The following CACNA1A variants were observed in gnomAD, a reference collection of about 807,000 sequenced individuals.
The protein encoded by CACNA1A is voltage-dependent P/Q-type calcium channel subunit alpha-1A.
CACNA1A carries 57 observed loss-of-function variants against 262.4 expected under a neutral mutation model. The ratio of observed to expected loss-of-function variants is 0.22; its 90% CI spans 0.18 to 0.27. The LOEUF is 0.27. Among genes scored for constraint, CACNA1A ranks in the 10% least tolerant of loss-of-function variants. The probability of loss-of-function intolerance (pLI) is 1.00; values close to 1 mark genes in which losing one functional copy is unlikely to be tolerated. For missense variants in CACNA1A, 2,526 were observed against 3,562.8 expected, an observed-to-expected ratio of 0.71 and a Z score of 7.41; for synonymous variants, 1,431 against 1,419.3, an observed-to-expected ratio of 1.01 and a Z score of -0.18.
At chr19:13,325,154 CCTT>C (rs2058335953) in intron 10 of CACNA1A, among the ~76,000 whole-genome samples, 1 of 141,244 alleles carries the variant, frequency 7.1e-6, no homozygotes, top group Non-Finnish European at 1.5e-5. Context: ...TCTTCTTCTT[CCTT>C]CTTCCTTCTT....
rs766012999 is a variant in CACNA1A at position 13,214,582 on chromosome 19, C to T, written c.5758G>A (p.Ala1920Thr). 5.0e-6 allele frequency: 8 copies of T among 1,613,742 alleles called. No homozygotes were observed. The highest frequency in any genetic ancestry group is 6.8e-6 in the Non-Finnish European group (8 of 1,179,830). ...KGGADKQQMD[A>T]ELRKEMMAIW... ...GCCATCATCTCCTTCCGCAGCTCAG[C>T]GTCCATCTGCTGTTTGTCGGCTCCT... The change falls in exon 39 of 47, where the codon GCT becomes ACT. Residue 1920 changes from alanine to threonine, a missense_variant. This residue lies in a region of CACNA1A where 112 missense variants were observed against 197.2 expected (regional missense o/e 0.57). Coordinates refer to ENST00000360228, the MANE Select transcript of CACNA1A (RefSeq NM_001127222.2). This position sits in a 1 kb window ranked among gnomAD's most constrained non-coding sequence, Gnocchi z 4.1.
rs755362952 is a variant in CACNA1A at position 13,212,616 on chromosome 19, AG to A, written c.6050+14del. 1.1e-5 allele frequency: 17 copies of A among 1,514,210 alleles called. 1 individual carries two copies. The Middle Eastern group carries it at 5.3e-4, about 47-fold the overall frequency. 93.8% of individuals were successfully genotyped at this position (1,514,210 alleles called of 1,614,324 possible). ...CACCCCCACACTCCACCTCCCTGGC[AG>A]GGGTGACACTCACAGGGCTCCTCCT... On this transcript the variant is annotated intron_variant, in intron 41 of 46. Coordinates refer to ENST00000360228, the MANE Select transcript of CACNA1A (RefSeq NM_001127222.2). This position sits in a 1 kb window ranked among gnomAD's most constrained non-coding sequence, Gnocchi z 5.6.
At chr19:13,467,355 C>T (rs188222954) in intron 1 of CACNA1A, among the ~76,000 whole-genome samples, 112 of 152,088 alleles carry the variant, frequency 7.4e-4, no homozygotes, top group Middle Eastern at 3.4e-3. Flanking sequence ...GTGGCTCACA[C>T]CTGTAATCCC....
intron 19 of CACNA1A, among the ~76,000 whole-genome samples, chr19:13,293,021 G>A (rs72993596): frequency 0.09 from 13,650 of 152,164 alleles, 812 homozygotes; most frequent in South Asian, 0.23. Context: ...GAGGCTATGG[G>A]GGTGAAAGTG....
At chr19:13,485,893 G>A (rs1979917006) in intron 1 of CACNA1A, among the ~76,000 whole-genome samples, 1 of 152,142 alleles carries the variant, frequency 6.6e-6, no homozygotes, top group Non-Finnish European at 1.5e-5. Flanking sequence ...CCCTGCAAGC[G>A]AGCAGCAGAA....
At chr19:13,380,733 G>A (rs2059508774) in intron 3 of CACNA1A, among the ~76,000 whole-genome samples, 2 of 70,572 alleles carry the variant, frequency 2.8e-5, no homozygotes, top group Admixed American at 3.7e-4. Flanking sequence ...TCATTTATTG[G>A]TTTGTTTGTT....
intron 3 of CACNA1A, among the ~76,000 whole-genome samples, chr19:13,421,796 G>C (rs2060320693): frequency 6.6e-6 from 1 of 152,118 alleles, no homozygotes; most frequent in East Asian, 1.9e-4. Flanking sequence ...AAGCCACCCA[G>C]TTTAAGGTAT....
At chr19:13,309,387 C>T (rs534565541) in intron 12 of CACNA1A, among the ~76,000 whole-genome samples, 4 of 152,126 alleles carry the variant, frequency 2.6e-5, no homozygotes, top group Admixed American at 6.6e-5. Flanking sequence ...CATGCAACTA[C>T]TACCTATGTC....
At chr19:13,499,577 G>A (rs1456274246) in intron 1 of CACNA1A, among the ~76,000 whole-genome samples, 1 of 151,884 alleles carries the variant, frequency 6.6e-6, no homozygotes, top group Admixed American at 6.6e-5. Flanking sequence ...GTTTTTCTCT[G>A]TGCTGGAGAC....
At chr19:13,461,901 A>C (rs2061130776) in intron 1 of CACNA1A, among the ~76,000 whole-genome samples, 1 of 152,174 alleles carries the variant, frequency 6.6e-6, no homozygotes, top group Non-Finnish European at 1.5e-5. Flanking sequence ...TCAGGATAGC[A>C]GACAGCCCTG....
chr19:13,270,580 G>T (rs1208298403), intron 24 of CACNA1A, among the ~76,000 whole-genome samples: 1 of 152,234 alleles, frequency 6.6e-6, no homozygotes, highest in Non-Finnish European at 1.5e-5. Flanking sequence ...ACGGGGAGAA[G>T]ATTCCAAAAC....
intron 36 of CACNA1A, 70 bp from the exon 37 acceptor site, chr19:13,227,597 C>G (rs1325961779): frequency 2.7e-6 from 2 of 750,718 alleles, no homozygotes; most frequent in East Asian, 5.9e-5. Context: ...GAACAGAGAA[C>G]CAAAGGAAGA....
At position 13,506,362 on chromosome 19, in the gene CACNA1A, C is replaced by T. The variant is rs1983045503; in HGVS notation, c.-138G>A. Reference sequence around the variant, plus strand: ...TGGAGCTACGACTGCGGAGACGCTCCACGGCCCAGCCCATCGGGCGGCGGC... The same window carrying T: ...TGGAGCTACGACTGCGGAGACGCTCTACGGCCCAGCCCATCGGGCGGCGGC... On this transcript the variant is annotated 5_prime_UTR_variant, in exon 1 of 47. Coordinates refer to ENST00000360228, the MANE Select transcript of CACNA1A (RefSeq NM_001127222.2). 5.3e-6 allele frequency: 4 copies of T among 749,274 alleles called. No individual in the cohort carries two copies. The highest frequency in any genetic ancestry group is 6.2e-5 in the South Asian group (2 of 32,286). 46.4% of individuals were successfully genotyped at this position (749,274 alleles called of 1,614,324 possible).
At chr19:13,406,800 C>G (rs1038986874) in intron 3 of CACNA1A, among the ~76,000 whole-genome samples, 1 of 151,882 alleles carries the variant, frequency 6.6e-6, no homozygotes, top group African/African-American at 2.4e-5. Flanking sequence ...ACAACCACCC[C>G]TTGTCTAAAT....
At chr19:13,279,119 G>C (rs1229817892) in intron 22 of CACNA1A, among the ~76,000 whole-genome samples, 1 of 152,146 alleles carries the variant, frequency 6.6e-6, no homozygotes, top group Non-Finnish European at 1.5e-5. Flanking sequence ...AGGAATGAAT[G>C]GAAGGAAAGA....
intron 28 of CACNA1A, among the ~76,000 whole-genome samples, chr19:13,255,701 T>TTCCCTCCCTCCCTCCTTCTCTCCCCCCC (rs1364959323): frequency 1.5e-5 from 1 of 65,894 alleles, no homozygotes; most frequent in African/African-American, 6.3e-5. Context: ...TCCTCCCTCC[T>TTCCCTCCCTCCCTCCTTCTCTCCCCCCC]TCCTTCCCTC....
intron 1 of CACNA1A, among the ~76,000 whole-genome samples, chr19:13,487,565 G>A (rs1036350429): frequency 4.6e-5 from 7 of 151,902 alleles, no homozygotes; most frequent in Admixed American, 2.6e-4. Flanking sequence ...CTACAGAGAG[G>A]TGATGGTTGC....
chr19:13,385,959 C>G (rs573244363), intron 3 of CACNA1A, among the ~76,000 whole-genome samples: 1 of 151,822 alleles, frequency 6.6e-6, no homozygotes, highest in Non-Finnish European at 1.5e-5. Flanking sequence ...GAGTTCAAGA[C>G]CAGCCTGGGC....
intron 31 of CACNA1A, among the ~76,000 whole-genome samples, chr19:13,237,955 T>C (rs1012052010): frequency 6.6e-5 from 10 of 150,580 alleles, no homozygotes; most frequent in Non-Finnish European, 1.5e-4. Context: ...AGGAGGGGGG[T>C]TTGGAGGAGA....
Sources: gnomAD v4.1 joint callset for allele counts (sites outside exome capture counted in the v4.1 genomes callset) on GRCh38, gnomAD v4.1.1 for gene constraint, gnomAD v4.1.1 regional missense constraint, Gnocchi (gnomAD v3.1) non-coding constraint, MANE v1.5 for transcripts, NCBI Gene and HGNC (gene_info 2026-07-23, HGNC 2026-07-21) for gene names.